The following SNAP91 variants were observed in gnomAD, a reference collection of about 807,000 sequenced individuals.
The protein encoded by SNAP91 is clathrin coat assembly protein AP180.
SNAP91 carries 27 observed loss-of-function variants against 100.3 expected under a neutral mutation model. That is an observed-to-expected ratio of 0.27 (90% CI 0.20 to 0.37). SNAP91 has a LOEUF of 0.37. SNAP91 is among the 10% of genes least tolerant of loss of function. SNAP91 has a pLI of 1.00. For synonymous variants in SNAP91, 404 were observed against 398.6 expected (o/e 1.01, Z -0.16); for missense variants, 986 against 1,123.7 (o/e 0.88, Z 1.75).
Position 83,582,259 on chromosome 6 carries a change from C to T in SNAP91, c.2112G>A (p.Thr704=), listed in dbSNP as rs569210256. Reference sequence around the variant, plus strand: ...AGGAGCTGCTGCTGGAAGTTGAAGGCGTTGTCCCAAAAGCTGCCTCAAAAT... The same window carrying T: ...AGGAGCTGCTGCTGGAAGTTGAAGGTGTTGTCCCAAAAGCTGCCTCAAAAT... ...QPNFEAAFGT[T]PSTSSSSSFD... Residue 704 remains threonine, a synonymous_variant, in exon 23 of 30, where the codon ACG becomes ACA. Coordinates refer to ENST00000369694, the MANE Select transcript of SNAP91 (RefSeq NM_001242792.2). The T allele has an allele frequency of 8.1e-6, 13 of 1,613,362 alleles. No individual in the cohort carries two copies. The highest frequency in any genetic ancestry group is 1.6e-4 in the Middle Eastern group (1 of 6,084).
At chr6:83,652,207 G>C (rs2098237903) in intron 7 of SNAP91, among the ~76,000 whole-genome samples, 1 of 151,910 alleles carries the variant, frequency 6.6e-6, no homozygotes, top group Admixed American at 6.6e-5. Flanking sequence ...AGTGATTTTT[G>C]GTATAGCTGG....
At chr6:83,637,821 A>G (rs1273293417) in intron 8 of SNAP91, among the ~76,000 whole-genome samples, 2 of 152,186 alleles carry the variant, frequency 1.3e-5, no homozygotes, top group East Asian at 3.9e-4. Flanking sequence ...AGCTCAGGCC[A>G]TAGATCTCAG....
chr6:83,594,334 G>C, intron 17 of SNAP91, 40 bp downstream of exon 17: 1 of 1,467,798 alleles, frequency 6.8e-7, no homozygotes, highest in Non-Finnish European at 9.3e-7. Flanking sequence ...TTTACATTAG[G>C]ACAGAAGAAT....
At chr6:83,656,229 T>C (rs1331861313) in intron 7 of SNAP91, among the ~76,000 whole-genome samples, 1 of 152,162 alleles carries the variant, frequency 6.6e-6, no homozygotes, top group African/African-American at 2.4e-5. Context: ...CATGAGACTA[T>C]ATTCATCCCA....
intron 2 of SNAP91, among the ~76,000 whole-genome samples, chr6:83,706,368 A>T (rs2099384077): frequency 3.3e-5 from 5 of 152,242 alleles, no homozygotes; most frequent in Admixed American, 3.3e-4. Flanking sequence ...TCTGGTCACA[A>T]ATTTACAATT....
chr6:83,692,145 G>C (rs1392554503), intron 2 of SNAP91, among the ~76,000 whole-genome samples: 1 of 152,112 alleles, frequency 6.6e-6, no homozygotes, highest in Non-Finnish European at 1.5e-5. Context: ...CCTATGAAAA[G>C]AACTATTAGA....
At chr6:83,637,645 G>T (rs1399685868) in intron 8 of SNAP91, among the ~76,000 whole-genome samples, 1 of 152,194 alleles carries the variant, frequency 6.6e-6, no homozygotes, top group Non-Finnish European at 1.5e-5. Flanking sequence ...GGGCTGCAGG[G>T]CTCCCTGGGA....
intron 6 of SNAP91, 75 bp downstream of exon 6, chr6:83,658,924 G>C: frequency 9.0e-7 from 1 of 1,107,766 alleles, no homozygotes; most frequent in Non-Finnish European, 1.3e-6. Context: ...GAAATCTTTG[G>C]ATTTACCTGT....
At chr6:83,634,522 C>A (rs892271796) in intron 8 of SNAP91, among the ~76,000 whole-genome samples, 2 of 152,114 alleles carry the variant, frequency 1.3e-5, no homozygotes, top group African/African-American at 4.8e-5. Context: ...TTCCTGCAGT[C>A]ATTCTGGAGC....
In SNAP91 at chr6:83,664,798, C is replaced by G. The variant is rs142865444; in HGVS notation, c.273+641G>C. ...AGTTCTGCTGTAGATAAAATGCTGT[C>G]AAAGAGCATTGAATGCTACAGAGAA... On this transcript the variant is annotated intron_variant, in intron 3 of 29. Coordinates refer to ENST00000369694, the MANE Select transcript of SNAP91 (RefSeq NM_001242792.2). Among the ~76,000 whole-genome samples, 460 of 152,184 alleles carry G rather than the reference C, an allele frequency of 3.0e-3. 3 individuals are homozygous for G. The highest frequency in any genetic ancestry group is 0.011 in the African/African-American group (443 of 41,534).
At chr6:83,566,766 A>G (rs1238048255) in intron 26 of SNAP91, among the ~76,000 whole-genome samples, 1 of 152,180 alleles carries the variant, frequency 6.6e-6, no homozygotes, top group African/African-American at 2.4e-5. Flanking sequence ...CCAATCAGAA[A>G]TTGCCAACGA....
At position 83,598,053 on chromosome 6, in the gene SNAP91, C is replaced by T. The variant is rs1209648592; in HGVS notation, c.1324+3218G>A. ...TGACACATTTGATTGAAAGGGTATC[C>T]TTGTTGGTGTGCAGAGGAATTAGCA... On this transcript the variant is annotated intron_variant, in intron 16 of 29. Coordinates refer to ENST00000369694, the MANE Select transcript of SNAP91 (RefSeq NM_001242792.2). 5.9e-5 allele frequency among the ~76,000 whole-genome samples: 9 copies of T among 152,124 alleles called. 1 individual carries two copies. The East Asian group carries it at 1.7e-3, about 29-fold the overall frequency.
At position 83,623,306 on chromosome 6, in the gene SNAP91, T is replaced by C; in HGVS notation, c.802A>G (p.Thr268Ala). 6.2e-7 allele frequency: 1 copy of C among 1,607,838 alleles called. No homozygotes were observed. Residue 268 changes from threonine (T) to alanine (A), a missense_variant, in exon 9 of 30, where the codon ACA becomes GCA. By Grantham distance (58) the Thr-to-Ala change is moderately conservative. Around this residue, in one of 4 missense-constraint regions of SNAP91, gnomAD observed 330 missense variants for 447.5 expected, o/e 0.74. Coordinates refer to ENST00000369694, the MANE Select transcript of SNAP91 (RefSeq NM_001242792.2). The stretch of plus-strand genomic sequence containing the variant: ...CCACTGGGAGAGTTGCTTACCTGTG[T>C]GAGGTCAGGAATGTCACCTTTATCA... The part of the protein sequence containing the change: ...GIDKGDIPDL[T>A]QAPSSLMETL...
intron 26 of SNAP91, among the ~76,000 whole-genome samples, chr6:83,574,664 G>A (rs898105173): frequency 6.6e-6 from 1 of 151,980 alleles, no homozygotes; most frequent in Non-Finnish European, 1.5e-5. Flanking sequence ...AAATATGGAA[G>A]TATAAATATT....
At chr6:83,574,748 T>C (rs1000237538) in intron 26 of SNAP91, among the ~76,000 whole-genome samples, 1 of 152,228 alleles carries the variant, frequency 6.6e-6, no homozygotes, top group Non-Finnish European at 1.5e-5. Flanking sequence ...TGCATTTTGG[T>C]AACTTCTGCA....
chr6:83,573,708 T>C (rs938656786), intron 26 of SNAP91, among the ~76,000 whole-genome samples: 1 of 152,288 alleles, frequency 6.6e-6, no homozygotes, highest in African/African-American at 2.4e-5. Context: ...GGGAAAGGAA[T>C]CCTTATTTAA....
At chr6:83,578,712 T>C (rs1210545444) in intron 24 of SNAP91, among the ~76,000 whole-genome samples, 1 of 152,208 alleles carries the variant, frequency 6.6e-6, no homozygotes, top group African/African-American at 2.4e-5. Context: ...TATTGTCTAC[T>C]GCACAAAAGT....
At chr6:83,698,823 G>A (rs1344508146) in intron 2 of SNAP91, among the ~76,000 whole-genome samples, 1 of 152,090 alleles carries the variant, frequency 6.6e-6, no homozygotes, top group Non-Finnish European at 1.5e-5. Flanking sequence ...CATATATTAA[G>A]TAACACCTCA....
intron 22 of SNAP91, among the ~76,000 whole-genome samples, chr6:83,590,823 A>G (rs532755896): frequency 6.6e-6 from 1 of 152,370 alleles, no homozygotes; most frequent in Non-Finnish European, 1.5e-5. Flanking sequence ...AAGAAGCCAC[A>G]AAGGTGGCTT....
Sources: gnomAD v4.1 joint callset for allele counts (sites outside exome capture counted in the v4.1 genomes callset) on GRCh38, gnomAD v4.1.1 for gene constraint, gnomAD v4.1.1 regional missense constraint, MANE v1.5 for transcripts, NCBI Gene and HGNC (gene_info 2026-07-23, HGNC 2026-07-21) for gene names.